The following MTDH variants were observed in gnomAD, a reference collection of about 807,000 sequenced individuals.
MTDH encodes the protein protein LYRIC.
A neutral mutation model predicts 72.7 loss-of-function variants in MTDH; 34 were observed. The ratio of observed to expected loss-of-function variants is 0.47; its 90% CI spans 0.36 to 0.62. The LOEUF is 0.62. MTDH is among the 20% of genes least tolerant of loss of function. The pLI is 0.00. For synonymous variants in MTDH, 266 were observed against 268.9 expected, an observed-to-expected ratio of 0.99 and a Z score of 0.10; for missense variants, 677 against 699.4, an observed-to-expected ratio of 0.97 and a Z score of 0.36.
Position 97,727,518 on chromosome 8 carries a change from C to G in MTDH, c.*2848C>G, listed in dbSNP as rs1028838413. On this transcript the variant is annotated 3_prime_UTR_variant, in exon 12 of 12. Transcript: ENST00000336273. ...TCAAAAAAAAAAAAGTTTCTGGCAC[C>G]TGAACAGGAACTGGTTTCCATCATC... 1.5e-5 allele frequency: 2 copies of G among 137,078 alleles called. No individual in the cohort carries two copies. The highest frequency in any genetic ancestry group is 3.2e-5 in the Non-Finnish European group (2 of 63,044). The allele number at this position is 137,078 out of a possible 1,614,324, so 8.5% of individuals were successfully genotyped here.
intron 2 of MTDH, among the ~76,000 whole-genome samples, chr8:97,661,524 G>GTAA (rs1177866961): frequency 6.6e-6 from 1 of 152,152 alleles, no homozygotes; most frequent in Admixed American, 6.5e-5. Flanking sequence ...ACCTTTGTTA[G>GTAA]TAAGACACAT....
At chr8:97,705,372 C>T (rs1814308725) in intron 7 of MTDH, among the ~76,000 whole-genome samples, 1 of 151,746 alleles carries the variant, frequency 6.6e-6, no homozygotes, top group Non-Finnish European at 1.5e-5. Flanking sequence ...GAGGCTGAGT[C>T]AGGCAGATCA....
At chr8:97,711,980 C>T (rs1409178982) in intron 8 of MTDH, among the ~76,000 whole-genome samples, 2 of 152,172 alleles carry the variant, frequency 1.3e-5, no homozygotes, top group Admixed American at 6.5e-5. Context: ...GAACATTTAT[C>T]GTTTCAAGAA....
At chr8:97,713,809 G>T in intron 9 of MTDH, 40 bp downstream of exon 9, 1 of 1,188,446 alleles carries the variant, frequency 8.4e-7, no homozygotes, top group South Asian at 1.6e-5. Flanking sequence ...AAGCGCCTCC[G>T]GCTTAAAATG....
At chr8:97,699,676 C>T (rs1017550220) in intron 6 of MTDH, 78 bp from the exon 7 acceptor site, 2 of 868,934 alleles carry the variant, frequency 2.3e-6, no homozygotes, top group African/African-American at 3.4e-5. Flanking sequence ...GTCTCCGTGT[C>T]AAAGTATAGA....
At chr8:97,680,722 G>C (rs1163960562) in intron 2 of MTDH, among the ~76,000 whole-genome samples, 1 of 152,152 alleles carries the variant, frequency 6.6e-6, no homozygotes, top group Non-Finnish European at 1.5e-5. Context: ...AGTGATGTCT[G>C]TTTTGAATAA....
chr8:97,656,961 G>A (rs1471727992), intron 1 of MTDH, among the ~76,000 whole-genome samples: 2 of 150,576 alleles, frequency 1.3e-5, no homozygotes, highest in East Asian at 1.9e-4. Context: ...CAGCCTGGGC[G>A]ACAGAGCAAG....
At chr8:97,698,268 TAC>T (rs1232310241) in intron 6 of MTDH, among the ~76,000 whole-genome samples, 1 of 152,212 alleles carries the variant, frequency 6.6e-6, no homozygotes, top group Non-Finnish European at 1.5e-5. Flanking sequence ...AGGACTCCAG[TAC>T]ACATGTAAAT....
chr8:97,667,342 A>G (rs1812433820), intron 2 of MTDH, among the ~76,000 whole-genome samples: 1 of 152,244 alleles, frequency 6.6e-6, no homozygotes, highest in Non-Finnish European at 1.5e-5. Flanking sequence ...TCCTTAATGA[A>G]GCAGCAAAAA....
intron 7 of MTDH, among the ~76,000 whole-genome samples, chr8:97,700,237 C>A (rs554658067): frequency 6.6e-6 from 1 of 151,948 alleles, no homozygotes; most frequent in East Asian, 1.9e-4. Flanking sequence ...ACTTTCTTAA[C>A]CCAGTTGCCA....
At chr8:97,703,099 T>TCAGCA (rs1203244339) in intron 7 of MTDH, among the ~76,000 whole-genome samples, 3 of 152,202 alleles carry the variant, frequency 2.0e-5, no homozygotes, top group Non-Finnish European at 4.4e-5. Context: ...GTGCCATGGC[T>TCAGCA]CACACTTGTA....
intron 1 of MTDH, among the ~76,000 whole-genome samples, chr8:97,645,672 A>T (rs1410988236): frequency 6.6e-6 from 1 of 152,202 alleles, no homozygotes; most frequent in African/African-American, 2.4e-5. Context: ...GCACCGATTT[A>T]CTGGGCCACG....
rs1269836049 is a variant in MTDH at position 97,726,621 on chromosome 8, A to G, written c.*1951A>G. The G allele has an allele frequency of 6.6e-6, 1 of 152,214 alleles. No individual in the cohort carries two copies. Among genetic ancestry groups the G allele is most frequent in the East Asian group, 1.9e-4 (1 of 5,204 alleles). 9.4% of individuals were successfully genotyped at this position (152,214 alleles called of 1,614,324 possible). A position where few individuals can be genotyped will look rare whatever the true frequency, so the allele number is the denominator to read the frequency against. ...TATTTCTGCAGCCTAGTATCTCCCC[A>G]TTCTACCACCTATGCCAGATGTTAA... On this transcript the variant is annotated 3_prime_UTR_variant, in exon 12 of 12. Coordinates refer to ENST00000336273, the MANE Select transcript of MTDH (RefSeq NM_178812.4).
At chr8:97,666,898 T>A (rs918090266) in intron 2 of MTDH, among the ~76,000 whole-genome samples, 17 of 152,152 alleles carry the variant, frequency 1.1e-4, no homozygotes, top group Admixed American at 2.6e-4. Flanking sequence ...GGTTTCACTG[T>A]GTTGGCCAGG....
intron 6 of MTDH, among the ~76,000 whole-genome samples, chr8:97,698,622 T>G (rs1251427085): frequency 6.6e-6 from 1 of 152,232 alleles, no homozygotes; most frequent in East Asian, 1.9e-4. Context: ...CAACTCTTCT[T>G]GTCTCTTTGG....
intron 7 of MTDH, among the ~76,000 whole-genome samples, chr8:97,702,188 A>G (rs1349990047): frequency 6.6e-6 from 1 of 152,222 alleles, no homozygotes; most frequent in Admixed American, 6.5e-5. Flanking sequence ...ATCTATTACT[A>G]TCTTGACCAT....
chr8:97,690,856 A>G, intron 5 of MTDH, 96 bp from the exon 6 acceptor site: 1 of 862,004 alleles, frequency 1.2e-6, no homozygotes, highest in Non-Finnish European at 1.8e-6. Context: ...GGAAGTGAGT[A>G]ATAAATATAA....
At chr8:97,709,411 A>T (rs1294800968) in intron 8 of MTDH, among the ~76,000 whole-genome samples, 1 of 152,208 alleles carries the variant, frequency 6.6e-6, no homozygotes, top group Non-Finnish European at 1.5e-5. Flanking sequence ...TTAACACAAT[A>T]GAACCCATGA....
intron 2 of MTDH, among the ~76,000 whole-genome samples, chr8:97,665,412 T>C (rs1812341885): frequency 6.6e-6 from 1 of 152,206 alleles, no homozygotes; most frequent in Admixed American, 6.6e-5. Flanking sequence ...CTGAATGCAT[T>C]GTGCTAATAG....
Sources: gnomAD v4.1 joint callset for allele counts (sites outside exome capture counted in the v4.1 genomes callset) on GRCh38, gnomAD v4.1.1 for gene constraint, MANE v1.5 for transcripts, NCBI Gene and HGNC (gene_info 2026-07-23, HGNC 2026-07-21) for gene names.